The following OSBPL10 variants were observed in gnomAD, a reference collection of about 807,000 sequenced individuals.
The protein encoded by OSBPL10 is oxysterol binding protein like 10.
OSBPL10 carries 49 observed loss-of-function variants against 81.7 expected under a neutral mutation model. That is an observed-to-expected ratio of 0.60 (90% CI 0.48 to 0.76). The LOEUF (loss-of-function observed/expected upper bound fraction) is 0.76. Among genes scored for constraint, OSBPL10 ranks in the 30% least tolerant of loss-of-function variants. OSBPL10 has a pLI of 0.00. For missense variants in OSBPL10, 923 were observed against 987.8 expected (o/e 0.93, Z 0.88); for synonymous variants, 419 against 383.6 (o/e 1.09, Z -1.08).
At chr3:31,824,115 C>G (rs554701737) in intron 4 of OSBPL10, among the ~76,000 whole-genome samples, 45 of 152,310 alleles carry the variant, frequency 3.0e-4, no homozygotes, top group African/African-American at 9.1e-4. Context: ...TCATCTCAGC[C>G]TCCCAAAGTG....
intron 8 of OSBPL10, among the ~76,000 whole-genome samples, chr3:31,675,131 C>T (rs892462509): frequency 2.6e-5 from 4 of 151,966 alleles, no homozygotes; most frequent in African/African-American, 9.7e-5. Flanking sequence ...ATGTCTACTG[C>T]ATTCCTATTT....
chr3:31,691,723 AAAGAG>A (rs1374684917), intron 7 of OSBPL10, among the ~76,000 whole-genome samples: 3 of 152,010 alleles, frequency 2.0e-5, no homozygotes, highest in Admixed American at 6.6e-5. Flanking sequence ...CTCTTTAAAG[AAAGAG>A]AAAAGAAAGA....
chr3:32,055,007 T>C (rs927051338), intron 1 of OSBPL10, among the ~76,000 whole-genome samples: 2 of 152,018 alleles, frequency 1.3e-5, no homozygotes, highest in South Asian at 2.1e-4. Context: ...CATTAGAATA[T>C]AGGAAAAAAC....
At chr3:31,962,532 AT>A (rs57842240) in intron 1 of OSBPL10, among the ~76,000 whole-genome samples, 60,328 of 149,830 alleles carry the variant, frequency 0.4, 14,636 homozygotes, top group African/African-American at 0.68. Flanking sequence ...ATGAAACACT[AT>A]TTTTTTTTTT....
chr3:31,702,974 C>T lies in OSBPL10; in HGVS notation c.1096-466G>A, dbSNP rs370232701. On this transcript the variant is annotated intron_variant, in intron 6 of 11. Coordinates refer to ENST00000396556, the MANE Select transcript of OSBPL10 (RefSeq NM_017784.5). ...ATTTATGGAAAAACGTGCTCTAAGA[C>T]TATTTCTACCCAAATCAATTAGGAT... is the stretch of plus-strand genomic sequence containing the variant. 3.3e-5 allele frequency among the ~76,000 whole-genome samples: 5 copies of T among 152,160 alleles called. No individual in the cohort carries two copies. In the East Asian group the frequency reaches 5.8e-4, roughly 18 times the overall value.
At position 31,847,663 on chromosome 3, in the gene OSBPL10, CATTTTGAGTCAACAAG is replaced by C. The variant is rs542429697; in HGVS notation, c.538-17448_538-17433del. On this transcript the variant is annotated intron_variant, in intron 3 of 11. Coordinates refer to ENST00000396556, the MANE Select transcript of OSBPL10 (RefSeq NM_017784.5). The stretch of plus-strand genomic sequence containing the variant: ...ACACTCAACACTGAGAGAGAGAATA[CATTTTGAGTCAACAAG>C]ATTTTGTCCAGTCAGGAAGTCAGAA... Among the ~76,000 whole-genome samples the C allele has an allele frequency of 2.9e-3, 445 of 152,170 alleles. 1 individual carries two copies. Among genetic ancestry groups the C allele is most frequent in the African/African-American group, 0.01 (434 of 41,490 alleles).
intron 8 of OSBPL10, among the ~76,000 whole-genome samples, chr3:31,683,022 T>C (rs1219034507): frequency 6.6e-6 from 1 of 152,170 alleles, no homozygotes; most frequent in East Asian, 1.9e-4. Context: ...AAAAAAAAGT[T>C]GAAGAACCAG....
chr3:31,962,121 A>AT (rs200099067), intron 1 of OSBPL10, among the ~76,000 whole-genome samples: 2,125 of 151,770 alleles, frequency 0.014, 52 homozygotes, highest in African/African-American at 0.048. Context: ...CGCCCAGCTA[A>AT]TTTTTTTGTA....
chr3:31,978,993 A>G (rs193025311), intron 1 of OSBPL10, among the ~76,000 whole-genome samples: 1 of 152,346 alleles, frequency 6.6e-6, no homozygotes, highest in East Asian at 1.9e-4. Context: ...CAGCAAGTAA[A>G]TAATAAAATA....
At chr3:31,835,872 T>G (rs1191388887) in intron 3 of OSBPL10, among the ~76,000 whole-genome samples, 1 of 152,160 alleles carries the variant, frequency 6.6e-6, no homozygotes, top group Non-Finnish European at 1.5e-5. Flanking sequence ...TTTAAAACAG[T>G]ATATTGAGGG....
chr3:32,076,092 A>G (rs4502622), intron 1 of OSBPL10, among the ~76,000 whole-genome samples: 104,120 of 152,104 alleles, frequency 0.68, 38,357 homozygotes, highest in South Asian at 0.81. Flanking sequence ...TGATATGGCC[A>G]GGCGCGGTGG....
At chr3:31,715,576 T>C (rs1696406123) in intron 6 of OSBPL10, among the ~76,000 whole-genome samples, 1 of 152,220 alleles carries the variant, frequency 6.6e-6, no homozygotes, top group South Asian at 2.1e-4. Flanking sequence ...AAATCTAAAA[T>C]TCCTGATGAA....
chr3:31,991,243 T>A (rs1319677040), intron 2 of OSBPL10: 1 of 403,464 alleles, frequency 2.5e-6, no homozygotes, highest in Non-Finnish European at 4.6e-6. Flanking sequence ...GTCAGGAGTT[T>A]GAGACCATCC....
intron 3 of OSBPL10, among the ~76,000 whole-genome samples, chr3:31,843,501 C>G (rs1182105456): frequency 6.6e-6 from 1 of 152,224 alleles, no homozygotes; most frequent in Non-Finnish European, 1.5e-5. Context: ...TGCACCCAAG[C>G]CTTCATCCCT....
chr3:32,018,228 A>C (rs1356749611), intron 2 of OSBPL10, among the ~76,000 whole-genome samples: 2 of 152,116 alleles, frequency 1.3e-5, no homozygotes, highest in Non-Finnish European at 2.9e-5. Flanking sequence ...ACAGGGACAA[A>C]TGTGATTGTT....
intron 4 of OSBPL10, among the ~76,000 whole-genome samples, chr3:31,787,426 C>A (rs1362839990): frequency 1.3e-5 from 2 of 152,040 alleles, no homozygotes; most frequent in Non-Finnish European, 2.9e-5. Context: ...GAAACCTTAT[C>A]TCTACTAAAA....
intron 3 of OSBPL10, among the ~76,000 whole-genome samples, chr3:31,844,153 T>C (rs1206130958): frequency 1.3e-5 from 2 of 152,214 alleles, no homozygotes; most frequent in Non-Finnish European, 2.9e-5. Flanking sequence ...AGGGGACCCA[T>C]GTATTATCTT....
intron 2 of OSBPL10, among the ~76,000 whole-genome samples, chr3:32,035,209 A>AAAAG (rs1169332196): frequency 3.9e-5 from 6 of 152,190 alleles, no homozygotes; most frequent in Admixed American, 1.3e-4. Flanking sequence ...TTTTAAAAAG[A>AAAAG]AAAGAAAGAA....
At chr3:32,035,310 C>G (rs983496058) in intron 2 of OSBPL10, among the ~76,000 whole-genome samples, 1 of 151,890 alleles carries the variant, frequency 6.6e-6, no homozygotes, top group African/African-American at 2.4e-5. Flanking sequence ...GCCTGTAATC[C>G]CAGCACTTTT....
Sources: allele counts gnomAD v4.1 joint callset (sites outside exome capture counted in the v4.1 genomes callset), GRCh38; gene constraint gnomAD v4.1.1; transcripts MANE v1.5; gene names NCBI Gene and HGNC (gene_info 2026-07-23, HGNC 2026-07-21).